The following NAALADL2 variants were observed in gnomAD, a reference collection of about 807,000 sequenced individuals.
The protein encoded by NAALADL2 is N-acetylated alpha-linked acidic dipeptidase like 2.
A neutral mutation model predicts 87.2 loss-of-function variants in NAALADL2; 76 were observed. The ratio of observed to expected loss-of-function variants is 0.87; its 90% CI spans 0.72 to 1.05. NAALADL2 has a LOEUF of 1.05. Ranked by LOEUF, NAALADL2 falls within the 50% of genes least tolerant of loss-of-function variation. The pLI is 0.00. For synonymous variants in NAALADL2, 354 were observed against 331.0 expected, an observed-to-expected ratio of 1.07 and a Z score of -0.75; for missense variants, 1,089 against 945.8, an observed-to-expected ratio of 1.15 and a Z score of -1.99.
chr3:174,523,165 T>C (rs1161088471), intron 1 of NAALADL2, among the ~76,000 whole-genome samples: 2 of 152,116 alleles, frequency 1.3e-5, no homozygotes, highest in Non-Finnish European at 2.9e-5. Context: ...TGTTATGTTA[T>C]AGCAGCTTGA....
chr3:175,387,038 G>A lies in NAALADL2; in HGVS notation c.1091-60191G>A, dbSNP rs930438348. On this transcript the variant is annotated intron_variant, in intron 5 of 13. Coordinates refer to ENST00000454872, the MANE Select transcript of NAALADL2 (RefSeq NM_207015.3). Reference sequence around the variant, plus strand: ...TTGTTAAGATCTATGGAAGCAATGAGTGTTATATCTGTCAAACTGTGAAGT... The same window carrying A: ...TTGTTAAGATCTATGGAAGCAATGAATGTTATATCTGTCAAACTGTGAAGT... Among the ~76,000 whole-genome samples, 4 of 152,096 alleles carry A rather than the reference G, an allele frequency of 2.6e-5. No homozygotes were observed. The South Asian group carries it at 8.3e-4, about 31-fold the overall frequency.
At chr3:175,554,325 T>G (rs887701889) in intron 9 of NAALADL2, among the ~76,000 whole-genome samples, 1 of 152,176 alleles carries the variant, frequency 6.6e-6, no homozygotes, top group Non-Finnish European at 1.5e-5. Context: ...GGGAGCATTG[T>G]GGCAGGATTC....
At chr3:174,977,840 A>G (rs1350042014) in intron 1 of NAALADL2, among the ~76,000 whole-genome samples, 2 of 152,234 alleles carry the variant, frequency 1.3e-5, no homozygotes, top group Non-Finnish European at 2.9e-5. Flanking sequence ...CCAGCTCTAA[A>G]TATCCCAGAA....
chr3:175,209,706 G>GATATATAT (rs145591532), intron 2 of NAALADL2, among the ~76,000 whole-genome samples: 166 of 149,536 alleles, frequency 1.1e-3, no homozygotes, highest in East Asian at 5.9e-3. Flanking sequence ...AGTTATTTTG[G>GATATATAT]ATATATATAT....
intron 11 of NAALADL2, among the ~76,000 whole-genome samples, chr3:175,668,240 A>G (rs1384496416): frequency 6.6e-6 from 1 of 152,202 alleles, no homozygotes; most frequent in Non-Finnish European, 1.5e-5. Context: ...TAGAGTTACT[A>G]AAACACCATA....
At chr3:175,360,063 A>C (rs1330051958) in intron 5 of NAALADL2, among the ~76,000 whole-genome samples, 1 of 152,230 alleles carries the variant, frequency 6.6e-6, no homozygotes, top group East Asian at 1.9e-4. Context: ...CTTACATCCA[A>C]TACTCAATGC....
chr3:174,872,005 C>T lies in NAALADL2; in HGVS notation c.43+12555C>T, dbSNP rs114023048. On this transcript the variant is annotated intron_variant, in intron 1 of 13. Coordinates refer to ENST00000454872, the MANE Select transcript of NAALADL2 (RefSeq NM_207015.3). ...TATTTTAATATAGAAATATGGGAGC[C>T]GAAGCAGGAAATCTTTTTTGAAATT... Among the ~76,000 whole-genome samples the T allele has an allele frequency of 3.6e-3, 544 of 152,134 alleles. 4 individuals are homozygous for T. The highest frequency in any genetic ancestry group is 0.012 in the African/African-American group (512 of 41,482).
At chr3:175,113,721 T>C (rs1421989374) in intron 2 of NAALADL2, among the ~76,000 whole-genome samples, 2 of 151,630 alleles carry the variant, frequency 1.3e-5, no homozygotes, top group Non-Finnish European at 3.0e-5. Context: ...AGTGGTTTTA[T>C]AACAGGAGAG....
intron 2 of NAALADL2, among the ~76,000 whole-genome samples, chr3:174,552,211 T>C (rs1712210142): frequency 6.6e-6 from 1 of 152,154 alleles, no homozygotes; most frequent in African/African-American, 2.4e-5. Flanking sequence ...GTATATAATC[T>C]TTCCGAAAGC....
rs1421368485 is a variant in NAALADL2 at position 175,201,281 on chromosome 3, A to T, written c.546-32650A>T. 3.9e-5 allele frequency among the ~76,000 whole-genome samples: 6 copies of T among 152,278 alleles called. No homozygotes were observed. The East Asian group carries it at 1.2e-3, about 29-fold the overall frequency. ...GAGTAGATATCTGGTTGATGAAAAC[A>T]TGTCAGAGTTGATAAAAATTAAATT... On this transcript the variant is annotated intron_variant, in intron 2 of 13. Transcript: ENST00000454872.
chr3:175,254,510 C>T (rs1749589165), intron 3 of NAALADL2, among the ~76,000 whole-genome samples: 1 of 152,088 alleles, frequency 6.6e-6, no homozygotes, highest in South Asian at 2.1e-4. Flanking sequence ...CTGATGTATG[C>T]CTGTATACAC....
At chr3:175,252,464 C>T (rs1390202102) in intron 3 of NAALADL2, among the ~76,000 whole-genome samples, 1 of 152,130 alleles carries the variant, frequency 6.6e-6, no homozygotes, top group East Asian at 1.9e-4. Flanking sequence ...GCTGTACCCA[C>T]CAGCCATTTG....
intron 1 of NAALADL2, among the ~76,000 whole-genome samples, chr3:174,863,356 G>A (rs1267682756): frequency 5.9e-5 from 9 of 152,040 alleles, no homozygotes; most frequent in Admixed American, 5.9e-4. Context: ...GGTCTTGAAA[G>A]CATTGTCGAG....
rs143537483 is a variant in NAALADL2, at chr3:174,718,044, G to A, written c.-114-19597G>A. On this transcript the variant is annotated intron_variant, in intron 2 of 3. Coordinates refer to the NAALADL2 transcript ENST00000434257. The stretch of plus-strand genomic sequence containing the variant: ...CTTGGGAGGCTGAAGCAGAAGAATC[G>A]CTTGAACTGGGGAGGTGGAGGTTGC... Among the ~76,000 whole-genome samples, 442 of 152,180 alleles carry A rather than the reference G, an allele frequency of 2.9e-3. 2 individuals carry two copies. Among genetic ancestry groups the A allele is most frequent in the African/African-American group, 0.01 (423 of 41,504 alleles).
chr3:175,082,299 A>G (rs1014475930), intron 1 of NAALADL2, among the ~76,000 whole-genome samples: 4 of 152,192 alleles, frequency 2.6e-5, no homozygotes, highest in Admixed American at 2.0e-4. Flanking sequence ...GTGGAATGGA[A>G]GACTGGTTTT....
chr3:175,195,721 G>A (rs1738888980), intron 2 of NAALADL2, among the ~76,000 whole-genome samples: 1 of 151,928 alleles, frequency 6.6e-6, no homozygotes, highest in Non-Finnish European at 1.5e-5. Flanking sequence ...ATATCAGCCT[G>A]TACAGGCATA....
intron 4 of NAALADL2, among the ~76,000 whole-genome samples, chr3:175,300,298 C>T (rs1756891724): frequency 6.6e-6 from 1 of 152,118 alleles, no homozygotes; most frequent in African/African-American, 2.4e-5. Context: ...ATGATGCTGG[C>T]CTCATAAAAC....
intron 3 of NAALADL2, among the ~76,000 whole-genome samples, chr3:174,832,688 G>T (rs189421156): frequency 1.3e-5 from 2 of 152,130 alleles, no homozygotes; most frequent in African/African-American, 2.4e-5. Flanking sequence ...AGATGGTCTC[G>T]ATCTCTTGAC....
intron 11 of NAALADL2, among the ~76,000 whole-genome samples, chr3:175,697,530 G>C (rs1158971185): frequency 6.6e-6 from 1 of 151,096 alleles, no homozygotes; most frequent in African/African-American, 2.4e-5. Context: ...TACTTATGAG[G>C]GTGTATTGTT....
Sources: allele counts gnomAD v4.1 joint callset (sites outside exome capture counted in the v4.1 genomes callset), GRCh38; gene constraint gnomAD v4.1.1; transcripts MANE v1.5; gene names NCBI Gene and HGNC (gene_info 2026-07-23, HGNC 2026-07-21).